RALGPS2: variants seen among roughly 807,000 people sequenced by gnomAD.
The protein encoded by RALGPS2 is Ral GEF with PH domain and SH3 binding motif 2.
In RALGPS2, 43 loss-of-function variants were observed where a neutral mutation model predicts 86.8. The observed-to-expected ratio is 0.50, with a 90% CI of 0.39 to 0.64. The LOEUF is 0.64. Among genes scored for constraint, RALGPS2 ranks in the 30% least tolerant of loss-of-function variants. The pLI is 0.00. For missense variants in RALGPS2, 536 were observed against 694.6 expected (o/e 0.77, Z 2.57); for synonymous variants, 243 against 231.3 (o/e 1.05, Z -0.46).
intron 3 of RALGPS2, 124 bp from the exon 4 acceptor site, chr1:178,785,433 C>T: frequency 9.7e-7 from 1 of 1,035,204 alleles, no homozygotes; most frequent in Non-Finnish European, 1.3e-6. Flanking sequence ...ATTTTGTTTT[C>T]CATAAGCCCT....
intron 1 of RALGPS2, among the ~76,000 whole-genome samples, chr1:178,755,047 G>T (rs898377172): frequency 2.0e-5 from 3 of 152,224 alleles, no homozygotes; most frequent in African/African-American, 7.2e-5. Context: ...TGATGTGCCT[G>T]TCTTGGCCTC....
In RALGPS2 at chr1:178,796,591, T is replaced by C. The variant is rs984368377; in HGVS notation, c.213+10984T>C. On this transcript the variant is annotated intron_variant, in intron 4 of 19. Coordinates refer to ENST00000367635, the MANE Select transcript of RALGPS2 (RefSeq NM_152663.5). ...TCAGTCTCTTATCTACATACTAGTC[T>C]ATATTGGCTTTTTCTCTCTTCTATC... Among the ~76,000 whole-genome samples, 10 of 152,176 alleles carry C rather than the reference T, an allele frequency of 6.6e-5. 1 individual carries two copies. Among genetic ancestry groups the C allele is most frequent in the Admixed American group, 3.9e-4 (6 of 15,276 alleles).
chr1:178,843,865 C>T (rs1656734285), intron 8 of RALGPS2, among the ~76,000 whole-genome samples: 1 of 152,114 alleles, frequency 6.6e-6, no homozygotes, highest in South Asian at 2.1e-4. Context: ...GAAAATGAAA[C>T]ATTTGTCAGA....
chr1:178,848,095 G>C (rs910457722), intron 8 of RALGPS2, among the ~76,000 whole-genome samples: 6 of 152,136 alleles, frequency 3.9e-5, no homozygotes, highest in South Asian at 2.1e-4. Flanking sequence ...GATCACTTGA[G>C]GCCAGGAGTT....
intron 8 of RALGPS2, among the ~76,000 whole-genome samples, chr1:178,862,131 C>T (rs1354293726): frequency 6.6e-6 from 1 of 151,916 alleles, no homozygotes; most frequent in Non-Finnish European, 1.5e-5. Flanking sequence ...CCTCGGCCTC[C>T]GAAAGTGTTG....
rs890714805 is a variant in RALGPS2, at chr1:178,920,697, A to G, written c.*4338A>G. The G allele has an allele frequency of 1.3e-5, 2 of 151,940 alleles. No homozygotes were observed. The highest frequency in any genetic ancestry group is 2.4e-5 in the African/African-American group (1 of 41,402). 9.4% of individuals were successfully genotyped at this position (151,940 alleles called of 1,614,324 possible). A position where few individuals can be genotyped will look rare whatever the true frequency, so the allele number is the denominator to read the frequency against. On this transcript the variant is annotated 3_prime_UTR_variant, in exon 20 of 20. Transcript: ENST00000367635. Reference sequence around the variant, plus strand: ...GCACTCTTCAGCCAAGTTCATTTTTATTTTGTTGTTGATGTTTTGAGCATA... The same window carrying G: ...GCACTCTTCAGCCAAGTTCATTTTTGTTTTGTTGTTGATGTTTTGAGCATA...
intron 1 of RALGPS2, among the ~76,000 whole-genome samples, chr1:178,730,961 G>A (rs1361460571): frequency 2.6e-5 from 4 of 152,116 alleles, no homozygotes; most frequent in Admixed American, 6.5e-5. Flanking sequence ...GGCTCCCAGA[G>A]TGCTGGGATT....
chr1:178,913,394 A>C (rs1214409558), intron 19 of RALGPS2, among the ~76,000 whole-genome samples: 1 of 151,806 alleles, frequency 6.6e-6, no homozygotes, highest in Admixed American at 6.6e-5. Flanking sequence ...CAACTCTTGG[A>C]TTGTTTTACT....
rs1299690889 is a variant in RALGPS2 at position 178,917,556 on chromosome 1, T to A, written c.*1197T>A. The A allele has an allele frequency of 6.6e-6, 1 of 152,182 alleles. No individual in the cohort carries two copies. The highest frequency in any genetic ancestry group is 1.5e-5 in the Non-Finnish European group (1 of 68,014). 9.4% of individuals were successfully genotyped at this position (152,182 alleles called of 1,614,324 possible). ...CTGGAAATTTTAAGTATCTAAACTT[T>A]ATACTTGTATGATTTACCATAAACA... On this transcript the variant is annotated 3_prime_UTR_variant, in exon 20 of 20. Transcript: ENST00000367635.
chr1:178,826,854 C>T (rs1374597881), intron 7 of RALGPS2, among the ~76,000 whole-genome samples: 1 of 151,940 alleles, frequency 6.6e-6, no homozygotes, highest in Non-Finnish European at 1.5e-5. Flanking sequence ...TGTGTAAGAC[C>T]TATATGCAGA....
chr1:178,726,588 T>TTAAAA (rs1399784119), intron 1 of RALGPS2, among the ~76,000 whole-genome samples: 1 of 152,242 alleles, frequency 6.6e-6, no homozygotes, highest in Admixed American at 6.5e-5. Flanking sequence ...TACTGTGTAT[T>TTAAAA]TAAGACCATA....
intron 4 of RALGPS2, among the ~76,000 whole-genome samples, chr1:178,797,069 A>G (rs1309009767): frequency 6.6e-6 from 1 of 152,208 alleles, no homozygotes; most frequent in Non-Finnish European, 1.5e-5. Context: ...AGTATACTCA[A>G]AACAGTTTTA....
intron 7 of RALGPS2, among the ~76,000 whole-genome samples, chr1:178,826,363 T>A (rs1266989140): frequency 1.3e-5 from 2 of 152,168 alleles, no homozygotes; most frequent in East Asian, 3.8e-4. Flanking sequence ...AATATTCATC[T>A]CTCTTTAAAA....
At chr1:178,803,101 C>T (rs532555294) in intron 4 of RALGPS2, among the ~76,000 whole-genome samples, 3 of 152,000 alleles carry the variant, frequency 2.0e-5, no homozygotes, top group Non-Finnish European at 2.9e-5. Context: ...GTAAATGATT[C>T]AGTATTTCAG....
chr1:178,726,644 G>A lies in RALGPS2; in HGVS notation c.-84+1225G>A, dbSNP rs142251106. 5.9e-3 allele frequency among the ~76,000 whole-genome samples: 894 copies of A among 151,952 alleles called. 15 individuals carry two copies. The highest frequency in any genetic ancestry group is 0.021 in the African/African-American group (866 of 41,478). On this transcript the variant is annotated intron_variant, in intron 1 of 19. Transcript: ENST00000367635. Reference sequence around the variant, plus strand: ...CAGTTAATTGAGCTTTATCGTTTATGCTCCCTGGATTTTTTTTCCCCAACA... The same window carrying A: ...CAGTTAATTGAGCTTTATCGTTTATACTCCCTGGATTTTTTTTCCCCAACA...
chr1:178,864,978 G>T, intron 8 of RALGPS2: 1 of 1,461,082 alleles, frequency 6.8e-7, no homozygotes, highest in Non-Finnish European at 9.0e-7. Context: ...GTTACCGGTG[G>T]TATCTTGAAA....
At chr1:178,898,030 T>G (rs1660021243) in intron 17 of RALGPS2, among the ~76,000 whole-genome samples, 1 of 152,054 alleles carries the variant, frequency 6.6e-6, no homozygotes, top group African/African-American at 2.4e-5. Context: ...CCTTGGAGTT[T>G]CCTTTCCTAA....
chr1:178,874,257 AC>A (rs1658901240), intron 8 of RALGPS2, among the ~76,000 whole-genome samples: 2 of 152,174 alleles, frequency 1.3e-5, no homozygotes, highest in Admixed American at 1.3e-4. Context: ...AAAGTAGTTT[AC>A]CCCAACATAT....
At chr1:178,886,144 G>T in intron 13 of RALGPS2, 24 bp downstream of exon 13, 4 of 1,595,136 alleles carry the variant, frequency 2.5e-6, no homozygotes, top group Non-Finnish European at 3.4e-6. Flanking sequence ...CTCTGAGAGG[G>T]TTGCAATTTA....
Sources: gnomAD v4.1 joint callset for allele counts (sites outside exome capture counted in the v4.1 genomes callset) on GRCh38, gnomAD v4.1.1 for gene constraint, MANE v1.5 for transcripts, NCBI Gene and HGNC (gene_info 2026-07-23, HGNC 2026-07-21) for gene names.